The following LRP1B variants were observed in gnomAD, a reference collection of about 807,000 sequenced individuals.
The protein encoded by LRP1B is LDL receptor related protein 1B, also known as low-density lipoprotein receptor-related protein 1B.
Under a neutral mutation model 556.6 loss-of-function variants are expected in LRP1B, and 217 were observed. The observed-to-expected ratio is 0.39, with a 90% CI of 0.35 to 0.44. The LOEUF (loss-of-function observed/expected upper bound fraction) is 0.44, where lower values mean the gene tolerates loss of function less well. Among genes scored for constraint, LRP1B ranks in the 20% least tolerant of loss-of-function variants. The pLI is 1.00. For synonymous variants in LRP1B, 2,047 were observed against 1,865.8 expected, an observed-to-expected ratio of 1.10 and a Z score of -2.50; for missense variants, 5,053 against 5,620.8, an observed-to-expected ratio of 0.90 and a Z score of 3.23.
intron 43 of LRP1B, among the ~76,000 whole-genome samples, chr2:140,553,646 A>T (rs1214265912): frequency 6.6e-6 from 1 of 152,062 alleles, no homozygotes; most frequent in Admixed American, 6.6e-5. Flanking sequence ...GAAGCAAGAA[A>T]TAGCTAGTGT....
At chr2:141,910,604 T>A (rs1014255488) in intron 1 of LRP1B, among the ~76,000 whole-genome samples, 1 of 152,108 alleles carries the variant, frequency 6.6e-6, no homozygotes, top group Non-Finnish European at 1.5e-5. Context: ...GGAATTGCCA[T>A]GTAAATGGAT....
intron 3 of LRP1B, among the ~76,000 whole-genome samples, chr2:141,390,907 T>C (rs539731745): frequency 3.3e-5 from 5 of 152,302 alleles, no homozygotes; most frequent in East Asian, 3.9e-4. Context: ...TTTTACGTTA[T>C]GTAAATTCTC....
intron 71 of LRP1B, among the ~76,000 whole-genome samples, chr2:140,370,271 A>G (rs1423239261): frequency 3.9e-5 from 6 of 152,022 alleles, no homozygotes; most frequent in Non-Finnish European, 7.4e-5. Context: ...TAACCTATAT[A>G]TCATACAGCA....
chr2:140,552,972 G>T (rs1178132786), intron 43 of LRP1B, among the ~76,000 whole-genome samples: 1 of 151,988 alleles, frequency 6.6e-6, no homozygotes, highest in Non-Finnish European at 1.5e-5. Context: ...ACTCAAACCA[G>T]TAAAAAATAA....
intron 29 of LRP1B, among the ~76,000 whole-genome samples, chr2:140,849,198 T>TAGAAA (rs1352302960): frequency 1.8e-4 from 3 of 16,918 alleles, no homozygotes; most frequent in African/African-American, 4.2e-4. Context: ...CTACTAAAAA[T>TAGAAA]ACAAAAAAAA....
At chr2:141,390,556 G>A (rs530136147) in intron 3 of LRP1B, among the ~76,000 whole-genome samples, 49 of 152,332 alleles carry the variant, frequency 3.2e-4, no homozygotes, top group African/African-American at 1.2e-3. Flanking sequence ...ATGGATGAAT[G>A]ATAAACTGTA....
chr2:140,609,567 A>G (rs1682994906), intron 41 of LRP1B, among the ~76,000 whole-genome samples: 1 of 152,206 alleles, frequency 6.6e-6, no homozygotes, highest in South Asian at 2.1e-4. Context: ...TTAATTATCC[A>G]TATAAATTAG....
intron 1 of LRP1B, among the ~76,000 whole-genome samples, chr2:141,945,857 T>G (rs377373844): frequency 2.0e-5 from 3 of 152,172 alleles, no homozygotes; most frequent in Non-Finnish European, 4.4e-5. Flanking sequence ...ACATATTGTT[T>G]CAGTCTGTTT....
At chr2:142,071,327 G>T (rs988303200) in intron 1 of LRP1B, among the ~76,000 whole-genome samples, 1 of 151,764 alleles carries the variant, frequency 6.6e-6, no homozygotes, top group Non-Finnish European at 1.5e-5. Context: ...CTACCTTTCT[G>T]AACCAATGCT....
At chr2:140,997,227 G>A (rs1697273169) in intron 15 of LRP1B, among the ~76,000 whole-genome samples, 1 of 151,866 alleles carries the variant, frequency 6.6e-6, no homozygotes, top group South Asian at 2.1e-4. Context: ...CCTGCTGTGA[G>A]AACAATGAAA....
chr2:142,124,551 A>T (rs1707571175), intron 1 of LRP1B, among the ~76,000 whole-genome samples: 1 of 148,970 alleles, frequency 6.7e-6, no homozygotes, highest in Admixed American at 6.6e-5. Context: ...AATGTTTCAC[A>T]AAATGGAGAA....
intron 1 of LRP1B, among the ~76,000 whole-genome samples, chr2:141,977,122 A>C (rs560881524): frequency 4.1e-4 from 62 of 152,284 alleles, no homozygotes; most frequent in Non-Finnish European, 8.2e-4. Flanking sequence ...TAATTAATAA[A>C]CTCAGAAATA....
intron 2 of LRP1B, among the ~76,000 whole-genome samples, chr2:141,485,110 C>T (rs894190765): frequency 7.2e-5 from 11 of 152,044 alleles, no homozygotes; most frequent in Non-Finnish European, 1.5e-4. Context: ...TAGATTATTC[C>T]TAGTGGTAAA....
At chr2:141,140,406 G>T (rs1476901154) in intron 7 of LRP1B, among the ~76,000 whole-genome samples, 1 of 152,106 alleles carries the variant, frequency 6.6e-6, no homozygotes, top group African/African-American at 2.4e-5. Context: ...ATTGGGTGCT[G>T]TTATGGACTG....
chr2:140,258,185 TAATAA>T (rs1681779113), intron 86 of LRP1B, among the ~76,000 whole-genome samples: 1 of 152,078 alleles, frequency 6.6e-6, no homozygotes, highest in African/African-American at 2.4e-5. Flanking sequence ...GCTGAACACT[TAATAA>T]AATAATTAGA....
rs184518071 is a variant in LRP1B at position 142,021,812 on chromosome 2, T to C, written c.82+108836A>G. The stretch of plus-strand genomic sequence containing the variant: ...TAACACAGCCTCATAAATTTCACTT[T>C]GTGGAAGATAGAACAAAAAATATAA... On this transcript the variant is annotated intron_variant, in intron 1 of 90. Transcript: ENST00000389484. Among the ~76,000 whole-genome samples, 22 of 152,256 alleles carry C rather than the reference T, an allele frequency of 1.4e-4. No individual in the cohort carries two copies. The East Asian group carries it at 4.1e-3, about 28-fold the overall frequency.
intron 6 of LRP1B, among the ~76,000 whole-genome samples, chr2:141,225,659 TCA>T (rs999334044): frequency 6.6e-6 from 1 of 152,114 alleles, no homozygotes; most frequent in Middle Eastern, 3.2e-3. Flanking sequence ...ATAATAAATA[TCA>T]GTTATCGTTA....
intron 1 of LRP1B, among the ~76,000 whole-genome samples, chr2:142,118,043 C>T (rs888580797): frequency 6.6e-6 from 1 of 152,148 alleles, no homozygotes. Flanking sequence ...CTATTTCTCT[C>T]TGTGAAACCA....
intron 50 of LRP1B, among the ~76,000 whole-genome samples, chr2:140,516,622 T>C (rs1221271947): frequency 2.6e-5 from 4 of 152,138 alleles, no homozygotes; most frequent in East Asian, 1.9e-4. Context: ...GGTATAACTT[T>C]ATTATATCTA....
Sources: allele counts gnomAD v4.1 joint callset (sites outside exome capture counted in the v4.1 genomes callset), GRCh38; gene constraint gnomAD v4.1.1; transcripts MANE v1.5; gene names NCBI Gene and HGNC (gene_info 2026-07-23, HGNC 2026-07-21).